ANKS1B: variants seen among roughly 807,000 people sequenced by gnomAD.
The protein encoded by ANKS1B is ankyrin repeat and sterile alpha motif domain containing 1B.
In ANKS1B, 36 loss-of-function variants were observed where a neutral mutation model predicts 148.3. That is an observed-to-expected ratio of 0.24 (90% CI 0.19 to 0.32). ANKS1B has a LOEUF of 0.32. Among genes scored for constraint, ANKS1B ranks in the 10% least tolerant of loss-of-function variants. ANKS1B has a pLI of 1.00. For missense variants in ANKS1B, 1,157 were observed against 1,542.6 expected (o/e 0.75, Z 4.19); for synonymous variants, 542 against 560.8 (o/e 0.97, Z 0.47).
At chr12:98,960,143 T>C (rs772705928) in intron 17 of ANKS1B, among the ~76,000 whole-genome samples, 5 of 152,082 alleles carry the variant, frequency 3.3e-5, no homozygotes, top group African/African-American at 7.2e-5. Context: ...AGATAAGCAA[T>C]AGCCAGGCAG....
At chr12:99,830,374 T>C (rs1369778668) in intron 1 of ANKS1B, among the ~76,000 whole-genome samples, 1 of 152,052 alleles carries the variant, frequency 6.6e-6, no homozygotes, top group Non-Finnish European at 1.5e-5. Context: ...AATTAATACA[T>C]CTGTTCAACA....
At chr12:99,701,935 A>C (rs1249889444) in intron 8 of ANKS1B, among the ~76,000 whole-genome samples, 1 of 152,080 alleles carries the variant, frequency 6.6e-6, no homozygotes. Flanking sequence ...TTATCCATTC[A>C]TCTGTTGATG....
At chr12:99,526,161 T>G (rs1291056796) in intron 9 of ANKS1B, among the ~76,000 whole-genome samples, 1 of 152,120 alleles carries the variant, frequency 6.6e-6, no homozygotes, top group Non-Finnish European at 1.5e-5. Flanking sequence ...TAGTGAGGGT[T>G]TGAAAAAAAT....
chr12:99,010,547 A>C (rs1568344094), intron 17 of ANKS1B, among the ~76,000 whole-genome samples: 1 of 152,134 alleles, frequency 6.6e-6, no homozygotes, highest in South Asian at 2.1e-4. Flanking sequence ...ATATTGATGA[A>C]ATAGGTATTA....
At chr12:98,968,180 A>G (rs2099880159) in intron 17 of ANKS1B, among the ~76,000 whole-genome samples, 1 of 152,116 alleles carries the variant, frequency 6.6e-6, no homozygotes, top group African/African-American at 2.4e-5. Flanking sequence ...CTTTCATAAG[A>G]AAAACTCCCC....
intron 8 of ANKS1B, among the ~76,000 whole-genome samples, chr12:99,660,224 G>C (rs34262670): frequency 6.6e-6 from 1 of 151,984 alleles, no homozygotes; most frequent in Non-Finnish European, 1.5e-5. Flanking sequence ...TCCTAGCCTC[G>C]GTCCCACATT....
At chr12:98,953,913 A>G (rs1254503815) in intron 17 of ANKS1B, among the ~76,000 whole-genome samples, 1 of 152,070 alleles carries the variant, frequency 6.6e-6, no homozygotes, top group Non-Finnish European at 1.5e-5. Flanking sequence ...TCTCATCTTC[A>G]AGGTCCAGCT....
intron 17 of ANKS1B, among the ~76,000 whole-genome samples, chr12:98,859,775 G>A (rs2099589234): frequency 6.6e-6 from 1 of 152,166 alleles, no homozygotes; most frequent in African/African-American, 2.4e-5. Flanking sequence ...TTTTTCTTAA[G>A]ATCACTGTAA....
At chr12:99,165,338 C>T (rs2077091744) in intron 14 of ANKS1B, among the ~76,000 whole-genome samples, 3 of 151,772 alleles carry the variant, frequency 2.0e-5, no homozygotes, top group Non-Finnish European at 4.4e-5. Context: ...AAACCAAAAG[C>T]TGTTTTTTGA....
chr12:98,766,227 G>GA (rs771258050), intron 25 of ANKS1B, among the ~76,000 whole-genome samples: 4 of 152,246 alleles, frequency 2.6e-5, no homozygotes, highest in Non-Finnish European at 5.9e-5. Flanking sequence ...CAATGGAGAG[G>GA]AGATCTGGAT....
chr12:99,335,725 C>A (rs959665984), intron 12 of ANKS1B, among the ~76,000 whole-genome samples: 1 of 152,028 alleles, frequency 6.6e-6, no homozygotes, highest in Non-Finnish European at 1.5e-5. Flanking sequence ...ATAAGTGCCA[C>A]ATTTTCTGTG....
intron 8 of ANKS1B, among the ~76,000 whole-genome samples, chr12:99,667,994 A>ATTCC (rs1371985811): frequency 6.6e-6 from 1 of 152,174 alleles, no homozygotes; most frequent in East Asian, 1.9e-4. Flanking sequence ...ATATTGATCT[A>ATTCC]TAGTTTTCCA....
At chr12:99,686,406 T>C (rs1044787808) in intron 8 of ANKS1B, among the ~76,000 whole-genome samples, 15 of 152,154 alleles carry the variant, frequency 9.9e-5, no homozygotes, top group Admixed American at 4.6e-4. Flanking sequence ...GCCAATCAGA[T>C]GGTTTCTCGA....
At chr12:99,647,903 C>T (rs1374963878) in intron 9 of ANKS1B, 3 of 435,020 alleles carry the variant, frequency 6.9e-6, no homozygotes, top group African/African-American at 5.8e-5. Context: ...CCCGGACATC[C>T]ACGAGGGCCC....
intron 11 of ANKS1B, 69 bp from the exon 12 acceptor site, chr12:99,399,880 A>G (rs1567028560): frequency 3.4e-6 from 5 of 1,486,632 alleles, no homozygotes; most frequent in South Asian, 1.2e-5. Context: ...CTCCCCATCA[A>G]TTTAATCTAA....
chr12:99,947,354 A>G (rs2095094906), intron 1 of ANKS1B, among the ~76,000 whole-genome samples: 1 of 152,100 alleles, frequency 6.6e-6, no homozygotes. Flanking sequence ...AAGTTTACTA[A>G]GAAGGCTAGT....
chr12:98,900,915 C>T (rs2099771097), intron 17 of ANKS1B, among the ~76,000 whole-genome samples: 1 of 152,210 alleles, frequency 6.6e-6, no homozygotes, highest in Non-Finnish European at 1.5e-5. Context: ...TGGATTTCAA[C>T]TAACACGTGA....
chr12:99,396,590 T>C (rs2152566222), intron 12 of ANKS1B, among the ~76,000 whole-genome samples: 1 of 152,304 alleles, frequency 6.6e-6, no homozygotes, highest in African/African-American at 2.4e-5. Context: ...AATATCCTGA[T>C]GATTACAATT....
chr12:99,860,461 T>C (rs1208460218), intron 1 of ANKS1B, among the ~76,000 whole-genome samples: 1 of 152,188 alleles, frequency 6.6e-6, no homozygotes, highest in East Asian at 1.9e-4. Flanking sequence ...AGGGATTTAA[T>C]TCAGGGAAGA....
Sources: allele counts gnomAD v4.1 joint callset (sites outside exome capture counted in the v4.1 genomes callset), GRCh38; gene constraint gnomAD v4.1.1; transcripts MANE v1.5; gene names NCBI Gene and HGNC (gene_info 2026-07-23, HGNC 2026-07-21).